Variants in WDPCP observed in about 807,000 individuals in gnomAD.
WDPCP encodes WD repeat containing planar cell polarity effector.
In WDPCP, 71 loss-of-function variants were observed where a neutral mutation model predicts 93.1. The ratio of observed to expected loss-of-function variants is 0.76; its 90% confidence interval spans 0.63 to 0.93. The LOEUF (loss-of-function observed/expected upper bound fraction) is 0.93, where lower values mean the gene tolerates loss of function less well. Ranked by LOEUF, WDPCP falls within the 40% of genes least tolerant of loss-of-function variation. The pLI is 0.00. For synonymous variants in WDPCP, 315 were observed against 315.0 expected (o/e 1.00, Z 0.00); for missense variants, 844 against 887.4 (o/e 0.95, Z 0.62).
intron 10 of WDPCP, among the ~76,000 whole-genome samples, chr2:63,393,535 TAAATA>T (rs1250371665): frequency 6.7e-6 from 1 of 150,248 alleles, no homozygotes; most frequent in African/African-American, 2.4e-5. Flanking sequence ...ATAATAAAAA[TAAATA>T]AAATAAAAAA....
intron 14 of WDPCP, among the ~76,000 whole-genome samples, chr2:63,254,421 A>G (rs2104739720): frequency 6.6e-6 from 1 of 152,284 alleles, no homozygotes; most frequent in African/African-American, 2.4e-5. Context: ...AAAATTCACC[A>G]ATACAGTAGT....
intron 12 of WDPCP, among the ~76,000 whole-genome samples, chr2:63,362,741 T>G (rs1040051973): frequency 4.6e-5 from 7 of 152,284 alleles, no homozygotes; most frequent in Non-Finnish European, 7.4e-5. Context: ...CATAGCTCAC[T>G]GCAGCCTCAA....
At chr2:63,452,136 A>G (rs1698291377) in intron 6 of WDPCP, among the ~76,000 whole-genome samples, 1 of 152,188 alleles carries the variant, frequency 6.6e-6, no homozygotes, top group African/African-American at 2.4e-5. Flanking sequence ...CAATTAGGAA[A>G]AGAGGAAGTC....
At chr2:63,554,059 C>T (rs1705886443) in intron 1 of WDPCP, among the ~76,000 whole-genome samples, 1 of 152,212 alleles carries the variant, frequency 6.6e-6, no homozygotes. Flanking sequence ...ATGCCAGTTT[C>T]ACCCATTGTT....
chr2:63,502,013 T>A (rs899905570), intron 1 of WDPCP, among the ~76,000 whole-genome samples: 2 of 152,180 alleles, frequency 1.3e-5, no homozygotes, highest in Non-Finnish European at 1.5e-5. Flanking sequence ...GATGTAAAAA[T>A]TAATGTGTTC....
rs528454083 is a variant in WDPCP, at chr2:63,704,091, G to A, written n.309-53253C>T. 5.3e-5 allele frequency among the ~76,000 whole-genome samples: 8 copies of A among 152,170 alleles called. No homozygotes were observed. In the South Asian group the frequency reaches 1.7e-3, roughly 32 times the overall value. ...TGAATGAGAGTTCACTCATGATTTGGCTCTCTGTTTGTCTGTTATTGGTGT... is the reference window on the plus strand; with the variant it reads ...TGAATGAGAGTTCACTCATGATTTGACTCTCTGTTTGTCTGTTATTGGTGT... On this transcript the variant is annotated intron_variant and non_coding_transcript_variant, in intron 2 of 4. Transcript: ENST00000467687.
intron 2 of WDPCP, among the ~76,000 whole-genome samples, chr2:63,711,247 A>T (rs549939521): frequency 2.0e-5 from 3 of 152,160 alleles, no homozygotes; most frequent in Non-Finnish European, 4.4e-5. Context: ...CAATGAGTTG[A>T]AAAAAATGAG....
chr2:63,484,749 A>G, intron 5 of WDPCP, 86 bp from the exon 6 acceptor site: 1 of 1,563,334 alleles, frequency 6.4e-7, no homozygotes, highest in Non-Finnish European at 8.8e-7. Context: ...GCAAGCAAAA[A>G]AAGATCAACA....
At chr2:63,590,832 G>C (rs1558857732), upstream of WDPCP, 1 of 152,166 alleles carries the variant, frequency 6.6e-6, no homozygotes, top group Non-Finnish European at 1.5e-5. Flanking sequence ...CAATTTCCCT[G>C]CCCCCTCAGG....
chr2:63,814,613 C>T (rs1276449845), intron 1 of WDPCP, among the ~76,000 whole-genome samples: 1 of 152,196 alleles, frequency 6.6e-6, no homozygotes, highest in African/African-American at 2.4e-5. Context: ...TATTCCTGAA[C>T]TAGTGGAAGA....
At chr2:63,292,698 T>C (rs1684536937) in intron 13 of WDPCP, among the ~76,000 whole-genome samples, 1 of 152,184 alleles carries the variant, frequency 6.6e-6, no homozygotes, top group South Asian at 2.1e-4. Context: ...TTTAGATCCC[T>C]TATCATCCCT....
intron 1 of WDPCP, among the ~76,000 whole-genome samples, chr2:63,532,919 T>C (rs1409174693): frequency 1.3e-5 from 2 of 152,136 alleles, no homozygotes; most frequent in Non-Finnish European, 2.9e-5. Context: ...ACTGGCAAAT[T>C]GGATAAAAAG....
chr2:63,231,207 A>G (rs1574938081), intron 14 of WDPCP, among the ~76,000 whole-genome samples: 1 of 152,138 alleles, frequency 6.6e-6, no homozygotes, highest in Non-Finnish European at 1.5e-5. Flanking sequence ...TTTATGACAA[A>G]CCCACAGCCA....
the WDPCP span, among the ~76,000 whole-genome samples, chr2:63,839,579 C>T: frequency 6.6e-6 from 1 of 152,144 alleles, no homozygotes; most frequent in Admixed American, 6.5e-5. Flanking sequence ...AAAAACAAAA[C>T]AACAACAACA....
At chr2:63,639,948 G>A (rs1488158951) in intron 3 of WDPCP, among the ~76,000 whole-genome samples, 1 of 152,192 alleles carries the variant, frequency 6.6e-6, no homozygotes, top group East Asian at 1.9e-4. Flanking sequence ...ATATCACCCT[G>A]AAGTTGCATT....
chr2:63,773,133 C>T (rs1461335232), intron 2 of WDPCP, among the ~76,000 whole-genome samples: 1 of 151,722 alleles, frequency 6.6e-6, no homozygotes, highest in Non-Finnish European at 1.5e-5. Flanking sequence ...ATATGTATGC[C>T]AAAAGACATT....
intron 2 of WDPCP, among the ~76,000 whole-genome samples, chr2:63,688,749 T>C (rs1033010444): frequency 2.0e-5 from 3 of 152,092 alleles, no homozygotes; most frequent in Non-Finnish European, 1.5e-5. Context: ...CCCATAAATA[T>C]ATATACCTAC....
chr2:63,331,012 G>A (rs1456246426), intron 12 of WDPCP, among the ~76,000 whole-genome samples: 4 of 151,796 alleles, frequency 2.6e-5, no homozygotes, highest in Admixed American at 1.3e-4. Context: ...CAGGACTACA[G>A]ATGTGCACAC....
At chr2:63,371,331 C>T (rs372988169) in intron 12 of WDPCP, among the ~76,000 whole-genome samples, 61 of 152,238 alleles carry the variant, frequency 4.0e-4, no homozygotes, top group Non-Finnish European at 6.6e-4. Flanking sequence ...TGGCCACCAT[C>T]GCTTACTCAA....
Sources: allele counts gnomAD v4.1 joint callset (sites outside exome capture counted in the v4.1 genomes callset), GRCh38; gene constraint gnomAD v4.1.1; transcripts MANE v1.5; gene names NCBI Gene and HGNC (gene_info 2026-07-23, HGNC 2026-07-21).